Variants in ARHGEF3 observed in about 807,000 individuals in gnomAD.
ARHGEF3 encodes the protein 59.8 kDA protein.
In ARHGEF3, 28 loss-of-function variants were observed where a neutral mutation model predicts 63.2. The ratio of observed to expected loss-of-function variants is 0.44; its 90% CI spans 0.33 to 0.61. The LOEUF is 0.61. Ranked by LOEUF, ARHGEF3 falls within the 20% of genes least tolerant of loss-of-function variation. ARHGEF3 has a pLI of 0.03. For synonymous variants in ARHGEF3, 266 were observed against 254.2 expected, an observed-to-expected ratio of 1.05 and a Z score of -0.44; for missense variants, 533 against 659.3, an observed-to-expected ratio of 0.81 and a Z score of 2.10.
chr3:56,983,675 C>A (rs557870597), intron 2 of ARHGEF3, among the ~76,000 whole-genome samples: 4 of 152,172 alleles, frequency 2.6e-5, no homozygotes, highest in African/African-American at 9.7e-5. Flanking sequence ...CAGTGGCTGA[C>A]GCCTGTAATG....
intron 4 of ARHGEF3, among the ~76,000 whole-genome samples, chr3:56,847,508 G>A (rs772157722): frequency 6.6e-6 from 1 of 152,170 alleles, no homozygotes; most frequent in Non-Finnish European, 1.5e-5. Flanking sequence ...GGCATTATTC[G>A]AAAATAGTGA....
intron 1 of ARHGEF3, among the ~76,000 whole-genome samples, chr3:57,042,690 A>ATTTTTTTTTTTTTTTTT (rs1271376418): frequency 7.6e-5 from 1 of 13,110 alleles, no homozygotes; most frequent in Non-Finnish European, 1.4e-4. Flanking sequence ...ATATATATAT[A>ATTTTTTTTTTTTTTTTT]TATATATATA....
At chr3:56,961,441 T>C (rs1488100274) in intron 2 of ARHGEF3, among the ~76,000 whole-genome samples, 1 of 152,076 alleles carries the variant, frequency 6.6e-6, no homozygotes, top group African/African-American at 2.4e-5. Flanking sequence ...ATGCAGTCCC[T>C]CTCACATGAA....
chr3:57,074,301 C>T, intron 1 of ARHGEF3: 1 of 1,577,772 alleles, frequency 6.3e-7, no homozygotes, highest in South Asian at 1.2e-5. Context: ...GAGAGTCTGG[C>T]AGCTGTTTGT....
At chr3:56,885,756 T>G (rs2108267687) in intron 3 of ARHGEF3, among the ~76,000 whole-genome samples, 1 of 152,346 alleles carries the variant, frequency 6.6e-6, no homozygotes, top group Middle Eastern at 3.4e-3. Flanking sequence ...ACAGTCAATC[T>G]GGGATAGAAT....
chr3:56,774,026 G>A (rs1364406010), intron 1 of ARHGEF3, among the ~76,000 whole-genome samples: 1 of 152,130 alleles, frequency 6.6e-6, no homozygotes, highest in Non-Finnish European at 1.5e-5. Flanking sequence ...TGTCAACAGA[G>A]GCAGTATCTG....
intron 4 of ARHGEF3, among the ~76,000 whole-genome samples, chr3:56,832,139 C>G (rs985650330): frequency 6.6e-6 from 1 of 152,224 alleles, no homozygotes; most frequent in African/African-American, 2.4e-5. Context: ...GCAGGCAGCT[C>G]TTTTCAACCT....
chr3:56,880,344 G>A (rs1350138077), intron 4 of ARHGEF3, among the ~76,000 whole-genome samples: 1 of 152,196 alleles, frequency 6.6e-6, no homozygotes, highest in Non-Finnish European at 1.5e-5. Context: ...TGCACAAGGA[G>A]AAAAGAAGCC....
At chr3:56,944,568 CTT>C (rs1205155655) in intron 3 of ARHGEF3, among the ~76,000 whole-genome samples, 1,008 of 65,868 alleles carry the variant, frequency 0.015, 7 homozygotes, top group African/African-American at 0.051. Context: ...AAAGTGGTTT[CTT>C]TTTTTTTTTT....
intron 1 of ARHGEF3, chr3:57,060,471 C>G (rs1705161479): frequency 6.6e-6 from 1 of 152,212 alleles, no homozygotes; most frequent in African/African-American, 2.4e-5. Flanking sequence ...TCCCCACCCC[C>G]ACAGTAGGAG....
chr3:56,956,827 T>G (rs377171326), intron 3 of ARHGEF3, among the ~76,000 whole-genome samples: 4 of 152,346 alleles, frequency 2.6e-5, no homozygotes, highest in African/African-American at 7.2e-5. Context: ...TCACAAGAGA[T>G]CTAATTTCTC....
At chr3:56,969,120 CT>C (rs1308518454) in intron 2 of ARHGEF3, among the ~76,000 whole-genome samples, 2 of 151,444 alleles carry the variant, frequency 1.3e-5, no homozygotes, top group Non-Finnish European at 2.9e-5. Context: ...ACCAAATCAT[CT>C]TTAGGTCACA....
chr3:56,895,425 C>T (rs1168573677), intron 3 of ARHGEF3, among the ~76,000 whole-genome samples: 2 of 151,926 alleles, frequency 1.3e-5, no homozygotes, highest in Non-Finnish European at 2.9e-5. Context: ...CAGAAAGAGG[C>T]TGTGTTGGCA....
chr3:56,798,540 T>G (rs1457866944), intron 1 of ARHGEF3, among the ~76,000 whole-genome samples: 1 of 12,384 alleles, frequency 8.1e-5, no homozygotes, highest in African/African-American at 1.4e-4. Context: ...TTACTTCGTT[T>G]TTTTTTTTTT....
intron 2 of ARHGEF3, among the ~76,000 whole-genome samples, chr3:56,773,109 A>T (rs1231305929): frequency 6.6e-6 from 1 of 152,116 alleles, no homozygotes; most frequent in Non-Finnish European, 1.5e-5. Flanking sequence ...ACAACTACTC[A>T]ATTATGCCAT....
At chr3:57,005,746 A>G (rs1377348918) in intron 2 of ARHGEF3, among the ~76,000 whole-genome samples, 1 of 152,174 alleles carries the variant, frequency 6.6e-6, no homozygotes, top group African/African-American at 2.4e-5. Flanking sequence ...CCGTTCTCTA[A>G]TATGTAAAAA....
At chr3:56,888,066 C>T (rs1042584094) in intron 3 of ARHGEF3, among the ~76,000 whole-genome samples, 2 of 151,472 alleles carry the variant, frequency 1.3e-5, no homozygotes, top group African/African-American at 4.9e-5. Flanking sequence ...AAAAAACCTG[C>T]CCATTCAAGC....
At chr3:57,018,993 A>C (rs1314223808) in intron 2 of ARHGEF3, among the ~76,000 whole-genome samples, 1 of 152,176 alleles carries the variant, frequency 6.6e-6, no homozygotes, top group Admixed American at 6.5e-5. Flanking sequence ...CAGAAAAAAA[A>C]AAATTAACAG....
chr3:56,885,375 G>T (rs1457647084), intron 3 of ARHGEF3, among the ~76,000 whole-genome samples: 1 of 152,168 alleles, frequency 6.6e-6, no homozygotes, highest in African/African-American at 2.4e-5. Flanking sequence ...CATAGTAGGT[G>T]CACAGTAAGT....
Sources: allele counts gnomAD v4.1 joint callset (sites outside exome capture counted in the v4.1 genomes callset), GRCh38; gene constraint gnomAD v4.1.1; transcripts MANE v1.5; gene names NCBI Gene and HGNC (gene_info 2026-07-23, HGNC 2026-07-21).